The following PLK2 variants were observed in gnomAD, a reference collection of about 807,000 sequenced individuals.
The protein encoded by PLK2 is polo like kinase 2.
PLK2 carries 25 observed loss-of-function variants against 78.1 expected under a neutral mutation model. The ratio of observed to expected loss-of-function variants is 0.32; its 90% CI spans 0.23 to 0.45. PLK2 has a LOEUF of 0.45. Ranked by LOEUF, PLK2 falls within the 20% of genes least tolerant of loss-of-function variation. The probability of loss-of-function intolerance (pLI) is 1.00; values close to 1 mark genes in which losing one functional copy is unlikely to be tolerated. For synonymous variants in PLK2, 332 were observed against 298.2 expected (o/e 1.11, Z -1.17); for missense variants, 566 against 840.2 (o/e 0.67, Z 4.04).
Position 58,458,776 on chromosome 5 carries a change from G to T in PLK2, c.444C>A (p.Tyr148Ter). 1 of 1,602,442 alleles carries T rather than the reference G, an allele frequency of 6.2e-7. No individual in the cohort carries two copies. Among genetic ancestry groups the T allele is most frequent in the Non-Finnish European group, 8.6e-7 (1 of 1,169,394 alleles). Residue 148 changes from tyrosine (Y) to a stop codon, truncating the protein, a stop_gained, in exon 3 of 14, where the codon TAC becomes TAA. Coordinates refer to ENST00000274289, the MANE Select transcript of PLK2 (RefSeq NM_006622.4). LOFTEE classifies it high-confidence loss of function. ...TGTAAATGTTTTCTTTGTCCTCGAAGTAGTGGTAAAACTGCACTACATGCT... is the reference window on the plus strand; with the variant it reads ...TGTAAATGTTTTCTTTGTCCTCGAATTAGTGGTAAAACTGCACTACATGCT... Reference protein sequence around the residue: ...HHKHVVQFYHYFEDKENIYIL... With the variant: ...HHKHVVQFYH
chr5:58,460,062 A>T lies in PLK2; in HGVS notation c.-103T>A. The T allele has an allele frequency of 7.5e-7, 1 of 1,330,996 alleles. No individual in the cohort carries two copies. The allele number at this position is 1,330,996 out of a possible 1,614,324, so 82.4% of individuals were successfully genotyped here. ...ACCCTTGCCTCTGGTGCCGACTAGC[A>T]CCCAACACCCCGGTCCACTTGTGCG... On this transcript the variant is annotated 5_prime_UTR_variant, in exon 1 of 14. Transcript: ENST00000274289.
intron 1 of PLK2, 35 bp downstream of exon 1, chr5:58,459,651 TCCCG>T: frequency 6.6e-7 from 1 of 1,511,686 alleles, no homozygotes. Flanking sequence ...CGGACAGACC[TCCCG>T]CCCGCCCGGC....
At chr5:58,459,127 T>G (rs761708751) in intron 1 of PLK2, 35 bp from the exon 2 acceptor site, 1 of 1,118,302 alleles carries the variant, frequency 8.9e-7, no homozygotes, top group East Asian at 2.4e-5. Flanking sequence ...GAATTGAGGA[T>G]GGCACAAAAA....
intron 9 of PLK2, 150 bp downstream of exon 9, chr5:58,456,342 T>C (rs1001482201): frequency 1.3e-6 from 1 of 760,022 alleles, no homozygotes; most frequent in Non-Finnish European, 2.2e-6. Flanking sequence ...GACTTCCTTT[T>C]AGTTTTAACT....
At position 58,456,153 on chromosome 5, in the gene PLK2, C is replaced by G; in HGVS notation, c.1257G>C (p.Glu419Asp). ...CAACTGTGGTGGTAGGTGGCTGGAG[C>G]TCCTTAGAAGAGAGAAGATTTATGC... Reference protein sequence around the residue: ...QQPSKHRTDEELQPPTTTVAR... With the variant: ...QQPSKHRTDEDLQPPTTTVAR... Residue 419 changes from glutamate to aspartate, a missense_variant and splice_region_variant, in exon 10 of 14, where the codon GAG becomes GAC. Coordinates refer to ENST00000274289, the MANE Select transcript of PLK2 (RefSeq NM_006622.4). 6.2e-7 allele frequency: 1 copy of G among 1,612,768 alleles called. No individual in the cohort carries two copies. Among genetic ancestry groups the G allele is most frequent in the Non-Finnish European group, 8.5e-7 (1 of 1,179,630 alleles).
At chr5:58,456,391 A>G (rs1743603194) in intron 9 of PLK2, 101 bp downstream of exon 9, 2 of 862,974 alleles carry the variant, frequency 2.3e-6, no homozygotes, top group Non-Finnish European at 3.7e-6. Flanking sequence ...TTAAGTAAAT[A>G]TGACATATTT....
In PLK2 at chr5:58,457,192, A is replaced by T; in HGVS notation, c.997T>A (p.Phe333Ile). ...GATAGTGCACCAACCTGCAAAAAAA[A>T]GTCATGTCGAATGATGTCATCCAAA... Reference protein sequence around the residue: ...PSLDDIIRHDFFLQGFTPDRL... With the variant: ...PSLDDIIRHDIFLQGFTPDRL... The change falls in exon 7 of 14, where the codon TTT becomes ATT. Residue 333 changes from phenylalanine (F) to isoleucine (I), a missense_variant. Phe to Ile is a conservative substitution (Grantham distance 21). Transcript: ENST00000274289. The T allele has an allele frequency of 6.2e-7, 1 of 1,614,108 alleles. No homozygotes were observed. Among genetic ancestry groups the T allele is most frequent in the Non-Finnish European group, 8.5e-7 (1 of 1,179,992 alleles).
chr5:58,456,645 A>T, intron 8 of PLK2, 56 bp from the exon 9 acceptor site: 1 of 1,101,700 alleles, frequency 9.1e-7, no homozygotes. Context: ...AGGTAGGAAC[A>T]GGGTTAGTCA....
rs779717151 is a variant in PLK2, at chr5:58,459,780, G to A, written c.180C>T (p.His60=). ...TCTCCGGCCCCGAGTGCGAATGGTG[G>A]TGATGGTGGTGAGGGGCCGCCGGGG... is the stretch of plus-strand genomic sequence containing the variant. ...QVPPAAPHHH[H]HHSHSGPEIS... is the part of the protein sequence containing the mutation. The change falls in exon 1 of 14, where the codon CAC becomes CAT. Residue 60 remains histidine (H), a synonymous_variant. Coordinates refer to ENST00000274289, the MANE Select transcript of PLK2 (RefSeq NM_006622.4). 4 of 1,607,904 alleles carry A rather than the reference G, an allele frequency of 2.5e-6. No homozygotes were observed. The highest frequency in any genetic ancestry group is 2.2e-5 in the East Asian group (1 of 44,844).
rs1157736783 is a variant in PLK2 at position 58,457,313 on chromosome 5, T to A, written c.876A>T (p.Ile292=). 6.2e-7 allele frequency: 1 copy of A among 1,613,776 alleles called. No individual in the cohort carries two copies. The change falls in exon 7 of 14, where the codon ATA becomes ATT. Residue 292 remains isoleucine, a synonymous_variant. Transcript: ENST00000274289. ...ACGGCATTGTATACCTTGCTTCCCT[T>A]ATGCACCTATAAGTTTCTTTGAGAT... ...TTNLKETYRC[I]REARYTMPSS...
chr5:58,455,202 C>T (rs1219160720), intron 12 of PLK2, 83 bp downstream of exon 12: 1 of 1,499,860 alleles, frequency 6.7e-7, no homozygotes, highest in Non-Finnish European at 9.2e-7. Flanking sequence ...GAATCTGTTT[C>T]TAACAAGCTT....
chr5:58,459,054 T>C lies in PLK2; in HGVS notation c.309A>G (p.Thr103=). ...TTTTTGCGGCGTAGACTTTGTTATT[T>C]GTCAAATCTGTCATCTCGTAACATT... The part of the protein sequence containing the change: ...FAKCYEMTDL[T]NNKVYAAKII... Residue 103 remains threonine (T), a synonymous_variant, in exon 2 of 14, where the codon ACA becomes ACG. Coordinates refer to ENST00000274289, the MANE Select transcript of PLK2 (RefSeq NM_006622.4). 1 of 1,612,642 alleles carries C rather than the reference T, an allele frequency of 6.2e-7. No homozygotes were observed. Among genetic ancestry groups the C allele is most frequent in the Non-Finnish European group, 8.5e-7 (1 of 1,178,698 alleles).
At chr5:58,459,471 C>T (rs868017306) in intron 1 of PLK2, 42 of 572,248 alleles carry the variant, frequency 7.3e-5, no homozygotes, top group African/African-American at 7.2e-4. Flanking sequence ...CTCTGGGCTG[C>T]GGGAGACACA....
In PLK2 at chr5:58,458,533, G is replaced by C. The variant is rs770967256; in HGVS notation, c.496-5C>G. On this transcript the variant is annotated splice_polypyrimidine_tract_variant and splice_region_variant and intron_variant, in intron 3 of 13. Transcript: ENST00000274289. ...TTTCAAAATATGAGCCATTGACTAA[G>C]AAGAGGAGAAGGAAAAAAGAGAATC... The C allele has an allele frequency of 2.5e-6, 4 of 1,603,268 alleles. No individual in the cohort carries two copies. The African/African-American group carries it at 5.4e-5, about 22-fold the overall frequency.
chr5:58,459,282 C>G (rs1251127598), intron 1 of PLK2, 190 bp from the exon 2 acceptor site: 2 of 596,810 alleles, frequency 3.4e-6, no homozygotes, highest in Non-Finnish European at 5.9e-6. Flanking sequence ...TTGCTGGAAA[C>G]AGCAAGTTCA....
chr5:58,459,511 T>C (rs2111715684), intron 1 of PLK2, 179 bp downstream of exon 1: 1 of 599,652 alleles, frequency 1.7e-6, no homozygotes, highest in Non-Finnish European at 2.9e-6. Flanking sequence ...GCAAAGCCGA[T>C]CCCCAGCGCT....
Position 58,459,816 on chromosome 5 carries a change from C to T in PLK2, c.144G>A (p.Gln48=), listed in dbSNP as rs988562421. 10 of 1,609,704 alleles carry T rather than the reference C, an allele frequency of 6.2e-6. No homozygotes were observed. In the African/African-American group the frequency reaches 1.1e-4, roughly 17 times the overall value. The change falls in exon 1 of 14, where the codon CAG becomes CAA. Residue 48 remains glutamine (Q), a synonymous_variant. Coordinates refer to ENST00000274289, the MANE Select transcript of PLK2 (RefSeq NM_006622.4). ...GAGGGGCCGCCGGGGGCACTTGCGC[C>T]TGGGACTGAGGTGGCTGCGATTCCT... ...PPEESQPPQS[Q]AQVPPAAPHH...
chr5:58,458,715 T>C lies in PLK2; in HGVS notation c.495+10A>G. The C allele has an allele frequency of 7.1e-7, 1 of 1,399,116 alleles. No homozygotes were observed. Among genetic ancestry groups the C allele is most frequent in the Non-Finnish European group, 1.0e-6 (1 of 986,348 alleles). 86.7% of individuals were successfully genotyped at this position (1,399,116 alleles called of 1,614,324 possible). A position where few individuals can be genotyped will look rare whatever the true frequency, so the allele number is the denominator to read the frequency against. On this transcript the variant is annotated intron_variant, in intron 3 of 13. Transcript: ENST00000274289. Reference sequence around the variant, plus strand: ...TAAGCAAATGTTCTCAAATAGGAGTTGACACTTACCCTTCTACTGCAGTAT... The same window carrying C: ...TAAGCAAATGTTCTCAAATAGGAGTCGACACTTACCCTTCTACTGCAGTAT...
rs1176873597 is a variant in PLK2, at chr5:58,455,959, AATT to A, written c.1384+64_1384+66del. 2.0e-6 allele frequency: 3 copies of A among 1,536,068 alleles called. No homozygotes were observed. The African/African-American group carries it at 4.2e-5, about 21-fold the overall frequency. Reference sequence around the variant, plus strand: ...TTAAGCTACAAAGTAAATTGACTTAAATTATTATGTATTTAGCACTGGCATTTC... The same window carrying A: ...TTAAGCTACAAAGTAAATTGACTTAAATTATGTATTTAGCACTGGCATTTC... On this transcript the variant is annotated intron_variant, in intron 10 of 13. Coordinates refer to ENST00000274289, the MANE Select transcript of PLK2 (RefSeq NM_006622.4).
Sources: gnomAD v4.1 joint callset for allele counts on GRCh38, gnomAD v4.1.1 for gene constraint, MANE v1.5 for transcripts, NCBI Gene and HGNC (gene_info 2026-07-23, HGNC 2026-07-21) for gene names.